The following ADAM12 variants were observed in gnomAD, a reference collection of about 807,000 sequenced individuals.
The protein encoded by ADAM12 is disintegrin and metalloproteinase domain-containing protein 12.
A neutral mutation model predicts 106.4 loss-of-function variants in ADAM12; 70 were observed. The observed-to-expected ratio is 0.66, with a 90% confidence interval of 0.54 to 0.80. The LOEUF is 0.80. ADAM12 is among the 30% of genes least tolerant of loss of function. ADAM12 has a pLI of 0.00. For missense variants in ADAM12, 1,010 were observed against 1,171.9 expected, an observed-to-expected ratio of 0.86 and a Z score of 2.02; for synonymous variants, 420 against 433.5, an observed-to-expected ratio of 0.97 and a Z score of 0.39.
In ADAM12 at chr10:126,210,022, G is replaced by C. The variant is rs116401253; in HGVS notation, c.261-54717C>G. On this transcript the variant is annotated intron_variant, in intron 3 of 22. Coordinates refer to ENST00000448723, the MANE Select transcript of ADAM12 (RefSeq NM_001288973.2). ...ATAACTACATCTCGGGATCCTCCGG[G>C]TACTACGTTAACTCTCAGGCTTGGT... Among the ~76,000 whole-genome samples the C allele has an allele frequency of 3.0e-3, 457 of 152,302 alleles. 2 individuals are homozygous for C. The highest frequency in any genetic ancestry group is 0.01 in the African/African-American group (424 of 41,566).
intron 1 of ADAM12, among the ~76,000 whole-genome samples, chr10:126,381,956 C>T (rs1467205853): frequency 7.2e-6 from 1 of 138,700 alleles, no homozygotes; most frequent in African/African-American, 2.7e-5. Context: ...GCCTGGGTGA[C>T]AATGCAAGAC....
chr10:126,022,987 C>A (rs1044351161), intron 21 of ADAM12, among the ~76,000 whole-genome samples: 19 of 152,180 alleles, frequency 1.2e-4, no homozygotes, highest in Admixed American at 1.2e-3. Context: ...TTTGCCTTGA[C>A]CAGCATCATG....
intron 1 of ADAM12, among the ~76,000 whole-genome samples, chr10:126,357,591 A>T (rs935920558): frequency 6.6e-6 from 1 of 152,194 alleles, no homozygotes; most frequent in Non-Finnish European, 1.5e-5. Flanking sequence ...ATTGACTCAC[A>T]GTTCAGCATG....
chr10:126,171,824 C>T (rs1426937863), intron 3 of ADAM12, among the ~76,000 whole-genome samples: 2 of 152,172 alleles, frequency 1.3e-5, no homozygotes, highest in African/African-American at 4.8e-5. Flanking sequence ...AAGTAGAATT[C>T]AGATGGGATT....
intron 21 of ADAM12, among the ~76,000 whole-genome samples, chr10:126,029,884 A>G (rs1953944230): frequency 6.6e-6 from 1 of 152,198 alleles, no homozygotes. Context: ...TGTGTTGGTG[A>G]GGAGCTGGAT....
chr10:126,056,538 CT>C, intron 14 of ADAM12, among the ~76,000 whole-genome samples: 1 of 152,288 alleles, frequency 6.6e-6, no homozygotes, highest in African/African-American at 2.4e-5. Context: ...TCTGAAACTG[CT>C]GCTGCTTTAA....
rs566088589 is a variant in ADAM12 at position 126,130,467 on chromosome 10, G to A, written c.416+5117C>T. Among the ~76,000 whole-genome samples, 23 of 152,258 alleles carry A rather than the reference G, an allele frequency of 1.5e-4. No individual in the cohort carries two copies. In the South Asian group the frequency reaches 4.4e-3, roughly 29 times the overall value. The stretch of plus-strand genomic sequence containing the variant: ...CCATTCCCATTCCCTCTTGGTGGCT[G>A]ACACCAGACAATGCAGCACTTACTC... On this transcript the variant is annotated intron_variant, in intron 5 of 22. Coordinates refer to ENST00000448723, the MANE Select transcript of ADAM12 (RefSeq NM_001288973.2).
intron 21 of ADAM12, among the ~76,000 whole-genome samples, chr10:126,034,581 T>TTAAA: frequency 6.6e-6 from 1 of 152,272 alleles, no homozygotes; most frequent in Admixed American, 6.5e-5. Flanking sequence ...AACAATTGCA[T>TTAAA]TAAATATGAA....
intron 16 of ADAM12, among the ~76,000 whole-genome samples, chr10:126,046,956 T>C (rs1202393254): frequency 6.6e-6 from 1 of 152,016 alleles, no homozygotes; most frequent in African/African-American, 2.4e-5. Context: ...TTTTTCCAGA[T>C]ACTGACTGAC....
At chr10:126,193,037 G>A (rs1328212338) in intron 3 of ADAM12, among the ~76,000 whole-genome samples, 3 of 152,118 alleles carry the variant, frequency 2.0e-5, no homozygotes, top group South Asian at 2.1e-4. Context: ...AGACCAAGGT[G>A]GGTGGATCAC....
intron 4 of ADAM12, among the ~76,000 whole-genome samples, chr10:126,151,497 T>C (rs1436579415): frequency 6.6e-6 from 1 of 152,174 alleles, no homozygotes; most frequent in Admixed American, 6.5e-5. Context: ...ATGTACTGGA[T>C]AGGGTTTGTA....
At chr10:126,296,364 G>A (rs1960379421) in intron 2 of ADAM12, among the ~76,000 whole-genome samples, 1 of 152,100 alleles carries the variant, frequency 6.6e-6, no homozygotes, top group South Asian at 2.1e-4. Flanking sequence ...TGAACTTCTG[G>A]CTTCAAGCGA....
intron 9 of ADAM12, among the ~76,000 whole-genome samples, chr10:126,100,715 A>AAAAC (rs1174861014): frequency 1.2e-4 from 19 of 152,146 alleles, no homozygotes; most frequent in Admixed American, 2.6e-4. Flanking sequence ...CTCTGTCTCA[A>AAAAC]AAACAAACAA....
intron 3 of ADAM12, among the ~76,000 whole-genome samples, chr10:126,206,868 A>T (rs1366802437): frequency 1.4e-4 from 10 of 71,624 alleles, no homozygotes; most frequent in Non-Finnish European, 2.0e-4. Context: ...GGCGGGGGGG[A>T]GCCAGTGGGA....
At position 126,228,918 on chromosome 10, in the gene ADAM12, T is replaced by TA. The variant is rs1434819844; in HGVS notation, c.260+49996dup. On this transcript the variant is annotated intron_variant, in intron 3 of 22. Coordinates refer to ENST00000448723, the MANE Select transcript of ADAM12 (RefSeq NM_001288973.2). ...GCAGTAAGATTTTATAGATTAAGGT[T>TA]AAAAAAAATTCTTACTGGCAGTGTG... 9.2e-5 allele frequency among the ~76,000 whole-genome samples: 14 copies of TA among 152,200 alleles called. No individual in the cohort carries two copies. The South Asian group carries it at 2.9e-3, about 32-fold the overall frequency.
At chr10:126,127,383 A>T (rs1565078818) in intron 5 of ADAM12, among the ~76,000 whole-genome samples, 1 of 152,190 alleles carries the variant, frequency 6.6e-6, no homozygotes, top group Non-Finnish European at 1.5e-5. Context: ...ATAGTTTTTA[A>T]AAAGTGGATT....
intron 1 of ADAM12, among the ~76,000 whole-genome samples, chr10:126,349,966 T>C (rs1047669952): frequency 1.3e-5 from 2 of 152,204 alleles, no homozygotes; most frequent in Admixed American, 1.3e-4. Flanking sequence ...ATCTAGATAT[T>C]TGTCTTTAGA....
chr10:126,191,217 G>A (rs1193485108), intron 3 of ADAM12, among the ~76,000 whole-genome samples: 1 of 151,894 alleles, frequency 6.6e-6, no homozygotes, highest in Non-Finnish European at 1.5e-5. Flanking sequence ...AGTCAGGCTG[G>A]TATTGAACTC....
chr10:126,102,144 C>T (rs73378621), intron 8 of ADAM12, among the ~76,000 whole-genome samples: 14,276 of 152,040 alleles, frequency 0.094, 1,764 homozygotes, highest in African/African-American at 0.28. Flanking sequence ...CCAGGATGAG[C>T]GGTCAGGGTA....
Sources: allele counts gnomAD v4.1 joint callset (sites outside exome capture counted in the v4.1 genomes callset), GRCh38; gene constraint gnomAD v4.1.1; transcripts MANE v1.5; gene names NCBI Gene and HGNC (gene_info 2026-07-23, HGNC 2026-07-21).